CDK19: variants seen among roughly 807,000 people sequenced by gnomAD.
The protein encoded by CDK19 is cyclin-dependent kinase 19.
A neutral mutation model predicts 68.3 loss-of-function variants in CDK19; 20 were observed. The observed-to-expected ratio is 0.29, with a 90% CI of 0.21 to 0.43. The LOEUF (loss-of-function observed/expected upper bound fraction) is 0.43, where lower values mean the gene tolerates loss of function less well. CDK19 is among the 20% of genes least tolerant of loss of function. The pLI is 1.00. For synonymous variants in CDK19, 221 were observed against 222.8 expected (o/e 0.99, Z 0.07); for missense variants, 339 against 623.5 (o/e 0.54, Z 4.86).
Position 110,623,274 on chromosome 6 carries a change from G to A in CDK19, c.933+16C>T. Reference sequence around the variant, plus strand: ...GTGCTGAGAATCAGATTTTAGTCTGGGAGAGAAGCACCTACCAAGAGGAAC... The same window carrying A: ...GTGCTGAGAATCAGATTTTAGTCTGAGAGAGAAGCACCTACCAAGAGGAAC... On this transcript the variant is annotated intron_variant, in intron 9 of 12. Coordinates refer to ENST00000368911, the MANE Select transcript of CDK19 (RefSeq NM_015076.5). The A allele has an allele frequency of 6.2e-7, 1 of 1,606,628 alleles. No individual in the cohort carries two copies. Among genetic ancestry groups the A allele is most frequent in the South Asian group, 1.1e-5 (1 of 90,772 alleles).
intron 2 of CDK19, among the ~76,000 whole-genome samples, chr6:110,718,966 T>C (rs1775618449): frequency 6.6e-6 from 1 of 152,182 alleles, no homozygotes; most frequent in Non-Finnish European, 1.5e-5. Context: ...TAAAGAGTTC[T>C]AAAGTCCTTG....
In CDK19 at chr6:110,667,518, T is replaced by C; in HGVS notation, c.372A>G (p.Pro124=). ...AAAGTAAGGATTTAACCATAGATCT[T>C]GGCAACTGCATGGGCTTTTTATTTG... ...SKANKKPMQL[P]RSMVKSLLYQ... Residue 124 remains proline, a synonymous_variant, in exon 4 of 13, where the codon CCA becomes CCG. Transcript: ENST00000368911. 1.3e-6 allele frequency: 2 copies of C among 1,594,090 alleles called. No homozygotes were observed. Among genetic ancestry groups the C allele is most frequent in the Non-Finnish European group, 1.7e-6 (2 of 1,166,640 alleles).
intron 4 of CDK19, among the ~76,000 whole-genome samples, chr6:110,649,218 T>C (rs574302139): frequency 6.6e-6 from 1 of 151,870 alleles, no homozygotes; most frequent in Non-Finnish European, 1.5e-5. Context: ...AGACCCTCAA[T>C]GGAATCATGA....
At chr6:110,647,858 T>C (rs1169253653) in intron 4 of CDK19, among the ~76,000 whole-genome samples, 1 of 152,168 alleles carries the variant, frequency 6.6e-6, no homozygotes, top group African/African-American at 2.4e-5. Context: ...ACCTTACTCA[T>C]GAATATAGTT....
chr6:110,692,168 C>T (rs531621600), intron 2 of CDK19, among the ~76,000 whole-genome samples: 1 of 151,696 alleles, frequency 6.6e-6, no homozygotes, highest in Admixed American at 6.6e-5. Flanking sequence ...GTGGTGAGCG[C>T]CTGTAGTCCC....
At chr6:110,774,332 C>T (rs1370779505) in intron 1 of CDK19, among the ~76,000 whole-genome samples, 1 of 152,174 alleles carries the variant, frequency 6.6e-6, no homozygotes, top group Non-Finnish European at 1.5e-5. Flanking sequence ...CCAAGACCCC[C>T]AGTAGCTGCC....
chr6:110,814,284 GCAGAGAATT>G (rs1469057013), intron 1 of CDK19, among the ~76,000 whole-genome samples: 2 of 152,258 alleles, frequency 1.3e-5, no homozygotes, highest in African/African-American at 4.8e-5. Context: ...AGGGTGGGTA[GCAGAGAATT>G]CAGCCAACTC....
intron 2 of CDK19, among the ~76,000 whole-genome samples, chr6:110,740,537 T>C (rs1409276371): frequency 6.6e-6 from 1 of 152,234 alleles, no homozygotes; most frequent in East Asian, 1.9e-4. Flanking sequence ...ATAACACATT[T>C]CATTCTTAAA....
intron 2 of CDK19, among the ~76,000 whole-genome samples, chr6:110,711,560 GA>G (rs199653777): frequency 0.035 from 5,157 of 148,518 alleles, 122 homozygotes; most frequent in Middle Eastern, 0.079. Flanking sequence ...GTAGCAAAAA[GA>G]AAAAAAAAAT....
chr6:110,795,614 G>A (rs1355372920), intron 1 of CDK19, among the ~76,000 whole-genome samples: 1 of 152,142 alleles, frequency 6.6e-6, no homozygotes, highest in East Asian at 1.9e-4. Flanking sequence ...AATACTAAGA[G>A]CCTTAAACAA....
At chr6:110,648,866 C>T (rs1370654559) in intron 4 of CDK19, among the ~76,000 whole-genome samples, 4 of 151,954 alleles carry the variant, frequency 2.6e-5, no homozygotes, top group Admixed American at 2.0e-4. Context: ...TACAGGTGCC[C>T]GCCGCCATAC....
At chr6:110,799,340 T>C (rs547601514) in intron 1 of CDK19, among the ~76,000 whole-genome samples, 167 of 152,182 alleles carry the variant, frequency 1.1e-3, no homozygotes, top group African/African-American at 3.9e-3. Flanking sequence ...GCAGCACTTA[T>C]TTAATACAGT....
chr6:110,753,172 C>T lies in CDK19; in HGVS notation c.129-6971G>A, dbSNP rs146987814. 5.7e-4 allele frequency among the ~76,000 whole-genome samples: 87 copies of T among 152,214 alleles called. 1 individual carries two copies. In the East Asian group the frequency reaches 0.013, roughly 22 times the overall value. On this transcript the variant is annotated intron_variant, in intron 1 of 12. Transcript: ENST00000368911. The stretch of plus-strand genomic sequence containing the variant: ...CTCGAATTCCTGGGCTCAAGCAATC[C>T]GCCCACCTTGGCCTCTCAAAGTGCT...
chr6:110,758,616 A>G (rs2114938451), intron 1 of CDK19, among the ~76,000 whole-genome samples: 1 of 152,318 alleles, frequency 6.6e-6, no homozygotes, highest in East Asian at 1.9e-4. Flanking sequence ...ATATTTTCAC[A>G]GTAATAAGAA....
chr6:110,803,044 A>G (rs2115118925), intron 1 of CDK19, among the ~76,000 whole-genome samples: 1 of 152,338 alleles, frequency 6.6e-6, no homozygotes, highest in East Asian at 1.9e-4. Context: ...TGACAAGGAC[A>G]GCCTCCGGCA....
chr6:110,701,476 C>T (rs565554921), intron 2 of CDK19, among the ~76,000 whole-genome samples: 14 of 148,944 alleles, frequency 9.4e-5, no homozygotes, highest in Admixed American at 7.4e-4. Context: ...GGCGTGAACC[C>T]GGGAAGCAGA....
At chr6:110,687,763 T>TA (rs898436968) in intron 2 of CDK19, among the ~76,000 whole-genome samples, 2 of 152,222 alleles carry the variant, frequency 1.3e-5, no homozygotes, top group African/African-American at 2.4e-5. Context: ...ATGTAAATGT[T>TA]AAACAATGAC....
Position 110,679,262 on chromosome 6 carries a change from G to A in CDK19, c.205-8721C>T, listed in dbSNP as rs949115165. On this transcript the variant is annotated intron_variant, in intron 2 of 12. Transcript: ENST00000368911. ...GCCCACGAGTTCAAGGCTGCAGTGA[G>A]TTATGATCGTACCACTGCCCTCCAG... Among the ~76,000 whole-genome samples the A allele has an allele frequency of 9.2e-5, 14 of 151,962 alleles. 1 individual carries two copies. In the South Asian group the frequency reaches 2.7e-3, roughly 29 times the overall value.
In CDK19 at chr6:110,670,496, C is replaced by A; in HGVS notation, c.250G>T (p.Val84Leu). 1 of 1,613,556 alleles carries A rather than the reference C, an allele frequency of 6.2e-7. No individual in the cohort carries two copies. Among genetic ancestry groups the A allele is most frequent in the Non-Finnish European group, 8.5e-7 (1 of 1,179,482 alleles). ...KHPNVIALQKVFLSHSDRKVW... is the reference protein window; with the variant it reads ...KHPNVIALQKLFLSHSDRKVW... ...TTCCTGTCACTGTGAGAAAGGAACA[C>A]CTTCTGCAATGCAATCACATTAGGG... Residue 84 changes from valine to leucine, a missense_variant, in exon 3 of 13, where the codon GTG (valine) becomes TTG (leucine). By Grantham distance (32) the Val-to-Leu change is conservative (BLOSUM62 1). Coordinates refer to ENST00000368911, the MANE Select transcript of CDK19 (RefSeq NM_015076.5).
Sources: gnomAD v4.1 joint callset for allele counts (sites outside exome capture counted in the v4.1 genomes callset) on GRCh38, gnomAD v4.1.1 for gene constraint, MANE v1.5 for transcripts, NCBI Gene and HGNC (gene_info 2026-07-23, HGNC 2026-07-21) for gene names.